Variants in PCDH7 observed in about 807,000 individuals in gnomAD.
PCDH7 encodes the protein protocadherin-7.
PCDH7 carries 17 observed loss-of-function variants against 58.9 expected under a neutral mutation model. The observed-to-expected ratio is 0.29, with a 90% CI of 0.20 to 0.43. PCDH7 has a LOEUF of 0.43. Ranked by LOEUF, PCDH7 falls within the 20% of genes least tolerant of loss-of-function variation. The pLI, the probability that PCDH7 is intolerant of heterozygous loss-of-function variation, is 1.00. For missense variants in PCDH7, 1,274 were observed against 1,441.0 expected (o/e 0.88, Z 1.88); for synonymous variants, 664 against 616.4 (o/e 1.08, Z -1.14).
At chr4:30,998,349 T>C (rs1752075803) in intron 3 of PCDH7, among the ~76,000 whole-genome samples, 1 of 152,162 alleles carries the variant, frequency 6.6e-6, no homozygotes, top group African/African-American at 2.4e-5. Context: ...CTGTTTGTAC[T>C]TATTAAAATG....
At chr4:30,959,383 C>A (rs894029717) in intron 3 of PCDH7, among the ~76,000 whole-genome samples, 2 of 151,676 alleles carry the variant, frequency 1.3e-5, no homozygotes, top group African/African-American at 4.8e-5. Flanking sequence ...CTCATAAAGT[C>A]CAAATATCAG....
chr4:30,750,802 C>T (rs918474571), intron 1 of PCDH7, among the ~76,000 whole-genome samples: 8 of 151,640 alleles, frequency 5.3e-5, no homozygotes, highest in African/African-American at 1.7e-4. Context: ...TTAAGTGTAA[C>T]GCGAAAGACA....
At chr4:31,102,666 TC>T (rs1251012059) in intron 3 of PCDH7, among the ~76,000 whole-genome samples, 1 of 141,134 alleles carries the variant, frequency 7.1e-6, no homozygotes, top group South Asian at 2.2e-4. Context: ...AGAGCAAAAC[TC>T]CATCTCAAAA....
At chr4:31,117,023 G>T (rs1415879353) in intron 3 of PCDH7, among the ~76,000 whole-genome samples, 2 of 151,934 alleles carry the variant, frequency 1.3e-5, no homozygotes, top group East Asian at 1.9e-4. Flanking sequence ...TTAGAATTTT[G>T]TATTTTTAGT....
intron 1 of PCDH7, among the ~76,000 whole-genome samples, chr4:30,787,573 G>T (rs1577804067): frequency 6.6e-6 from 1 of 152,072 alleles, no homozygotes; most frequent in African/African-American, 2.4e-5. Flanking sequence ...TTCTAGGAAT[G>T]TATGGCCATT....
chr4:31,124,484 G>A (rs11945187), intron 3 of PCDH7, among the ~76,000 whole-genome samples: 19,388 of 152,038 alleles, frequency 0.13, 2,458 homozygotes, highest in East Asian at 0.48. Flanking sequence ...CACCATGCAT[G>A]GTTCCTTGGC....
intron 3 of PCDH7, among the ~76,000 whole-genome samples, chr4:30,964,702 C>T (rs1748843530): frequency 6.6e-6 from 1 of 150,702 alleles, no homozygotes; most frequent in African/African-American, 2.4e-5. Context: ...AGTAGAAGTA[C>T]TAGAAGTACT....
chr4:30,864,468 C>T (rs1005297729), intron 1 of PCDH7, among the ~76,000 whole-genome samples: 1 of 144,168 alleles, frequency 6.9e-6, no homozygotes, highest in African/African-American at 2.5e-5. Context: ...CACACACACA[C>T]ATTTTTTGTT....
chr4:30,941,448 C>T (rs1746030742), intron 2 of PCDH7, among the ~76,000 whole-genome samples: 2 of 151,776 alleles, frequency 1.3e-5, no homozygotes. Flanking sequence ...AGAATGTTTC[C>T]CAATTTTGAG....
chr4:31,140,798 G>A (rs571998258), intron 3 of PCDH7, among the ~76,000 whole-genome samples: 19 of 152,104 alleles, frequency 1.2e-4, no homozygotes, highest in Non-Finnish European at 2.6e-4. Context: ...AAAATGAGTG[G>A]GAAAGTACTT....
At chr4:31,115,940 C>G (rs1461468874) in intron 3 of PCDH7, among the ~76,000 whole-genome samples, 1 of 152,142 alleles carries the variant, frequency 6.6e-6, no homozygotes, top group Non-Finnish European at 1.5e-5. Context: ...TCTTCTTCCT[C>G]CAGCCCACCA....
chr4:30,891,731 A>G (rs1738627604), intron 1 of PCDH7, among the ~76,000 whole-genome samples: 1 of 151,304 alleles, frequency 6.6e-6, no homozygotes, highest in Admixed American at 6.6e-5. Flanking sequence ...AGTTAATTAC[A>G]TGTTGCAACT....
At chr4:31,068,846 G>A (rs534771322) in intron 3 of PCDH7, among the ~76,000 whole-genome samples, 1 of 152,122 alleles carries the variant, frequency 6.6e-6, no homozygotes, top group East Asian at 1.9e-4. Context: ...ACAGTGCCTA[G>A]AGTAGGCCCC....
intron 2 of PCDH7, among the ~76,000 whole-genome samples, chr4:30,947,576 CTTAA>C (rs1336716644): frequency 1.3e-5 from 2 of 152,062 alleles, no homozygotes; most frequent in Non-Finnish European, 2.9e-5. Flanking sequence ...TATTTCATTT[CTTAA>C]TTGTCATATA....
downstream of PCDH7, among the ~76,000 whole-genome samples, chr4:30,735,401 A>G (rs764753699): frequency 7.2e-5 from 11 of 152,196 alleles, no homozygotes; most frequent in Non-Finnish European, 1.5e-4. Context: ...TATATGCCGT[A>G]TCTTGAGAGC....
At chr4:31,142,719 A>G (rs758812549) in exon 4 of PCDH7, 3 of 1,367,718 alleles carry the variant, frequency 2.2e-6, no homozygotes, top group South Asian at 2.3e-5. Flanking sequence ...ACCTCATCCT[A>G]TGAGACCTTC....
At chr4:30,870,961 T>C (rs1215600379) in intron 1 of PCDH7, among the ~76,000 whole-genome samples, 1 of 152,088 alleles carries the variant, frequency 6.6e-6, no homozygotes, top group Non-Finnish European at 1.5e-5. Context: ...TACTTAGCAG[T>C]TGTTTGGATG....
intron 3 of PCDH7, among the ~76,000 whole-genome samples, chr4:31,005,454 A>G (rs879310101): frequency 2.0e-5 from 3 of 152,192 alleles, no homozygotes; most frequent in Non-Finnish European, 2.9e-5. Flanking sequence ...AAAGGGATCA[A>G]CAGATCAGCT....
intron 3 of PCDH7, among the ~76,000 whole-genome samples, chr4:30,970,207 C>T (rs995055464): frequency 1.3e-5 from 2 of 152,090 alleles, no homozygotes; most frequent in Non-Finnish European, 2.9e-5. Context: ...AGTTACACAA[C>T]AAAGTGTGAC....
Sources: gnomAD v4.1 joint callset for allele counts (sites outside exome capture counted in the v4.1 genomes callset) on GRCh38, gnomAD v4.1.1 for gene constraint, MANE v1.5 for transcripts, NCBI Gene and HGNC (gene_info 2026-07-23, HGNC 2026-07-21) for gene names.